LINGO2: variants seen among roughly 807,000 people sequenced by gnomAD.
LINGO2 encodes the protein leucine-rich repeat and immunoglobulin-like domain-containing nogo receptor-interacting protein 2.
In LINGO2, 14 loss-of-function variants were observed where a neutral mutation model predicts 30.6. The observed-to-expected ratio is 0.46, with a 90% CI of 0.30 to 0.72. The LOEUF is 0.72. LINGO2 is among the 30% of genes least tolerant of loss of function. The probability of loss-of-function intolerance (pLI) is 0.07; values close to 1 mark genes in which losing one functional copy is unlikely to be tolerated. For missense variants in LINGO2, 729 were observed against 751.7 expected, an observed-to-expected ratio of 0.97 and a Z score of 0.35; for synonymous variants, 317 against 288.5, an observed-to-expected ratio of 1.10 and a Z score of -1.00.
chr9:27,993,737 A>G (rs1038862183), intron 5 of LINGO2, among the ~76,000 whole-genome samples: 9 of 152,134 alleles, frequency 5.9e-5, no homozygotes, highest in African/African-American at 2.2e-4. Flanking sequence ...TTGCTGAAAG[A>G]AAGGTAATCT....
At chr9:28,391,999 T>C (rs1346801495) in intron 2 of LINGO2, among the ~76,000 whole-genome samples, 1 of 152,066 alleles carries the variant, frequency 6.6e-6, no homozygotes, top group Non-Finnish European at 1.5e-5. Context: ...TCTCAAGAGA[T>C]TGAGACCATG....
rs1006998758 is a variant in LINGO2 at position 28,051,250 on chromosome 9, CAGAA to C, written c.-86-38849_-86-38846del. Among the ~76,000 whole-genome samples the C allele has an allele frequency of 2.1e-4, 32 of 151,898 alleles. 2 individuals are homozygous for C. The highest frequency in any genetic ancestry group is 7.3e-4 in the African/African-American group (30 of 41,378). Reference sequence around the variant, plus strand: ...CTCCAAAGTGAAGACTGAAAACTATCAGAAAGAATATAGCTAGATACAGTATTGG... The same window carrying C: ...CTCCAAAGTGAAGACTGAAAACTATCAGAATATAGCTAGATACAGTATTGG... On this transcript the variant is annotated intron_variant, in intron 4 of 5. Transcript: ENST00000379992.
intron 3 of LINGO2, among the ~76,000 whole-genome samples, chr9:28,320,656 T>C (rs1366418260): frequency 6.6e-6 from 1 of 152,142 alleles, no homozygotes; most frequent in African/African-American, 2.4e-5. Flanking sequence ...GGCAGTACTA[T>C]ATAGTACAGT....
At chr9:28,034,207 C>G (rs1455966986) in intron 4 of LINGO2, among the ~76,000 whole-genome samples, 1 of 152,200 alleles carries the variant, frequency 6.6e-6, no homozygotes, top group Admixed American at 6.5e-5. Flanking sequence ...GCTCTGCTCC[C>G]CAGTGTACAT....
the LINGO2 span, among the ~76,000 whole-genome samples, chr9:29,004,993 G>T: frequency 6.6e-6 from 1 of 151,878 alleles, no homozygotes; most frequent in Non-Finnish European, 1.5e-5. Context: ...ATTGTACTTA[G>T]AAAGTATCTG....
chr9:28,420,370 C>T (rs561168959), intron 2 of LINGO2, among the ~76,000 whole-genome samples: 1 of 151,990 alleles, frequency 6.6e-6, no homozygotes, highest in East Asian at 1.9e-4. Flanking sequence ...AGGAACATTC[C>T]TTCATGGTTA....
chr9:28,382,835 G>C (rs909043525), intron 2 of LINGO2, among the ~76,000 whole-genome samples: 8 of 151,874 alleles, frequency 5.3e-5, no homozygotes, highest in African/African-American at 1.9e-4. Context: ...TTACCTCCCT[G>C]GATTATTGTG....
chr9:28,056,646 A>G (rs1158624496), intron 4 of LINGO2, among the ~76,000 whole-genome samples: 1 of 152,196 alleles, frequency 6.6e-6, no homozygotes, highest in African/African-American at 2.4e-5. Flanking sequence ...TAGGATCTGC[A>G]GCTCTAAGAA....
intron 4 of LINGO2, among the ~76,000 whole-genome samples, chr9:28,145,387 C>T (rs980653362): frequency 1.3e-5 from 2 of 152,078 alleles, no homozygotes; most frequent in Admixed American, 1.3e-4. Flanking sequence ...TCTAATGTTG[C>T]AAAACGGGAA....
chr9:28,656,785 C>G (rs973929704), intron 1 of LINGO2, among the ~76,000 whole-genome samples: 1 of 152,058 alleles, frequency 6.6e-6, no homozygotes, highest in African/African-American at 2.4e-5. Flanking sequence ...TTCCCCTATC[C>G]ATTAGTGTGA....
chr9:29,149,659 C>G, the LINGO2 span, among the ~76,000 whole-genome samples: 1 of 152,076 alleles, frequency 6.6e-6, no homozygotes, highest in Non-Finnish European at 1.5e-5. Flanking sequence ...CCTCCAGGAT[C>G]CTAGCTACAG....
At chr9:28,802,702 T>G in the LINGO2 span, among the ~76,000 whole-genome samples, 4 of 151,938 alleles carry the variant, frequency 2.6e-5, no homozygotes, top group East Asian at 7.7e-4. Context: ...ATAAAAGATT[T>G]AAGTACAGAT....
the LINGO2 span, chr9:28,863,709 GTT>G: frequency 5.7e-6 from 3 of 524,442 alleles, no homozygotes; most frequent in Non-Finnish European, 7.9e-6. Flanking sequence ...GCACTTCACA[GTT>G]TGTGTAAAGC....
intron 1 of LINGO2, among the ~76,000 whole-genome samples, chr9:28,477,476 A>T (rs1660512327): frequency 6.6e-6 from 1 of 152,144 alleles, no homozygotes. Flanking sequence ...TTCAAACTTG[A>T]CCCAAATTGA....
chr9:28,942,731 G>A, the LINGO2 span, among the ~76,000 whole-genome samples: 7 of 152,050 alleles, frequency 4.6e-5, no homozygotes, highest in South Asian at 2.1e-4. Flanking sequence ...AGTTTTTTTG[G>A]GAGGGTTTCT....
At chr9:29,084,002 G>A in the LINGO2 span, among the ~76,000 whole-genome samples, 3 of 151,896 alleles carry the variant, frequency 2.0e-5, no homozygotes, top group African/African-American at 7.3e-5. Flanking sequence ...CTATGGTAAT[G>A]TGTTCATTAC....
the LINGO2 span, among the ~76,000 whole-genome samples, chr9:28,736,440 A>C: frequency 6.6e-6 from 1 of 152,262 alleles, no homozygotes; most frequent in African/African-American, 2.4e-5. Context: ...AAACTCTCTT[A>C]GCTTCGACTT....
At chr9:28,040,052 T>C (rs1482897333) in intron 4 of LINGO2, among the ~76,000 whole-genome samples, 1 of 152,234 alleles carries the variant, frequency 6.6e-6, no homozygotes, top group Non-Finnish European at 1.5e-5. Context: ...ATTTTCATCC[T>C]GGGAGACTTT....
At chr9:29,187,953 ATTTTC>A in the LINGO2 span, among the ~76,000 whole-genome samples, 4 of 116,940 alleles carry the variant, frequency 3.4e-5, no homozygotes, top group East Asian at 1.0e-3. Flanking sequence ...CTTTCCAACT[ATTTTC>A]TTTTTTTTTT....
Sources: allele counts gnomAD v4.1 joint callset (sites outside exome capture counted in the v4.1 genomes callset), GRCh38; gene constraint gnomAD v4.1.1; transcripts MANE v1.5; gene names NCBI Gene and HGNC (gene_info 2026-07-23, HGNC 2026-07-21).